Variants in ZNF790 observed in about 807,000 individuals in gnomAD.
The protein encoded by ZNF790 is zinc finger protein 790.
A neutral mutation model predicts 12.1 loss-of-function variants in ZNF790; 8 were observed. That is an observed-to-expected ratio of 0.66 (90% confidence interval 0.39 to 1.19). The LOEUF (loss-of-function observed/expected upper bound fraction) is 1.19, where lower values mean the gene tolerates loss of function less well. ZNF790 is among the 50% of genes most tolerant of loss of function. The probability of loss-of-function intolerance (pLI) is 0.01; values close to 1 mark genes in which losing one functional copy is unlikely to be tolerated. For synonymous variants in ZNF790, 252 were observed against 244.3 expected, an observed-to-expected ratio of 1.03 and a Z score of -0.29; for missense variants, 707 against 752.2, an observed-to-expected ratio of 0.94 and a Z score of 0.70.
chr19:36,820,215 A>G, intron 4 of ZNF790, 101 bp from the exon 5 acceptor site: 2 of 1,270,476 alleles, frequency 1.6e-6, no homozygotes, highest in East Asian at 2.5e-5. Context: ...GCATATGAGA[A>G]GTGAATGGCT....
intron 1 of ZNF790, among the ~76,000 whole-genome samples, chr19:36,833,009 C>A (rs2146067811): frequency 6.7e-6 from 1 of 149,064 alleles, no homozygotes; most frequent in African/African-American, 2.5e-5. Context: ...AAATGTAAGT[C>A]AAACAGGGCA....
In ZNF790 at chr19:36,821,639, A is replaced by C. The variant is rs1600647207; in HGVS notation, c.230-1525T>G. On this transcript the variant is annotated intron_variant, in intron 4 of 4. Transcript: ENST00000356725. ...CACTCTGTCGCCCAGGTTGGAGTGC[A>C]GTGGCGCAATCTCAGCTCACTGCAA... Among the ~76,000 whole-genome samples, 3 of 152,218 alleles carry C rather than the reference A, an allele frequency of 2.0e-5. No homozygotes were observed. The East Asian group carries it at 5.8e-4, about 29-fold the overall frequency.
chr19:36,838,025 CATA>C lies in ZNF790; in HGVS notation c.-74+309_-74+311del, dbSNP rs942104182. 29 of 152,430 alleles carry C rather than the reference CATA, an allele frequency of 1.9e-4. No individual in the cohort carries two copies. The highest frequency in any genetic ancestry group is 7.0e-4 in the African/African-American group (29 of 41,596). The allele number at this position is 152,430 out of a possible 1,614,324, so 9.4% of individuals were successfully genotyped here. A position where few individuals can be genotyped will look rare whatever the true frequency, so the allele number is the denominator to read the frequency against. On this transcript the variant is annotated intron_variant, in intron 1 of 4. Transcript: ENST00000356725. The surrounding 1 kb of genome is among the most constrained non-coding windows in gnomAD (Gnocchi z 4.4). ...GTGGTCACGCACAACGCGACGCAGT[CATA>C]ATCACGTACATACAGTCACATTTAA...
chr19:36,823,908 G>T lies in ZNF790; in HGVS notation c.10-118C>A, dbSNP rs1055141819. The T allele has an allele frequency of 3.0e-5, 27 of 885,746 alleles. No homozygotes were observed. The African/African-American group carries it at 4.4e-4, about 14-fold the overall frequency. The allele number at this position is 885,746 out of a possible 1,614,324, so 54.9% of individuals were successfully genotyped here. On this transcript the variant is annotated intron_variant, in intron 2 of 4. Coordinates refer to ENST00000356725, the MANE Select transcript of ZNF790 (RefSeq NM_206894.4). The stretch of plus-strand genomic sequence containing the variant: ...ACTGCAGGGAGTGGGGCATATATTG[G>T]GCGAAAAACTGGAGTTGGCTGCCTG...
Position 36,820,086 on chromosome 19 carries a change from CT to C in ZNF790, c.257del (p.Lys86SerfsTer13). The C allele has an allele frequency of 1.2e-6, 2 of 1,606,188 alleles. No homozygotes were observed. Among genetic ancestry groups the C allele is most frequent in the Non-Finnish European group, 1.7e-6 (2 of 1,179,570 alleles). ...CAAAAATGCCATTTTTTGGTAATAACTTCTTGGTCTGACACCTCGACTGCAT... is the reference window on the plus strand; with the variant it reads ...CAAAAATGCCATTTTTTGGTAATAACTCTTGGTCTGACACCTCGACTGCAT... ...PDMQSRCQTK[K>X]LLPKNGIFER... On this transcript the variant is annotated frameshift_variant, in exon 5 of 5. Coordinates refer to ENST00000356725, the MANE Select transcript of ZNF790 (RefSeq NM_206894.4). LOFTEE classifies it low-confidence loss of function (END_TRUNC).
At chr19:36,834,413 A>T (rs2146073409) in intron 1 of ZNF790, among the ~76,000 whole-genome samples, 1 of 152,342 alleles carries the variant, frequency 6.6e-6, no homozygotes, top group African/African-American at 2.4e-5. Context: ...TAAGAACTTG[A>T]ACTGGCACTT....
intron 1 of ZNF790, among the ~76,000 whole-genome samples, chr19:36,848,906 G>A (rs1035344311): frequency 6.6e-6 from 1 of 152,104 alleles, no homozygotes; most frequent in African/African-American, 2.4e-5. Flanking sequence ...CCATTCTCCT[G>A]CGTCAGCCTC....
Position 36,823,350 on chromosome 19 carries a change from G to C in ZNF790, c.164C>G (p.Ser55Cys), listed in dbSNP as rs2071718244. 1 of 1,613,958 alleles carries C rather than the reference G, an allele frequency of 6.2e-7. No individual in the cohort carries two copies. Among genetic ancestry groups the C allele is most frequent in the Non-Finnish European group, 8.5e-7 (1 of 1,180,022 alleles). ...GFCIYQPEAF[S>C]LLEKGKEPWK... ...GGGCTCTTTCCCTTTCTCCAATAAA[G>C]AGAACGCTTCTGGCTGATAAATGCA... is the stretch of plus-strand genomic sequence containing the variant. Residue 55 changes from serine (S) to cysteine (C), a missense_variant, in exon 4 of 5, where the codon TCT (serine) becomes TGT (cysteine). By Grantham distance (112) the Ser-to-Cys change is moderately radical. Coordinates refer to ENST00000356725, the MANE Select transcript of ZNF790 (RefSeq NM_206894.4).
chr19:36,825,536 G>A, intron 2 of ZNF790, 75 bp downstream of exon 2: 2 of 1,439,150 alleles, frequency 1.4e-6, no homozygotes, highest in Non-Finnish European at 2.0e-6. Flanking sequence ...AGCAGTTTAA[G>A]GATAAGCAAT....
chr19:36,847,276 G>C (rs546135877), intron 1 of ZNF790, among the ~76,000 whole-genome samples: 2 of 151,842 alleles, frequency 1.3e-5, no homozygotes, highest in African/African-American at 4.8e-5. Flanking sequence ...GCTTGAACCC[G>C]GGAGGCAGTG....
rs541618860 is a variant in ZNF790 at position 36,829,000 on chromosome 19, T to C, written c.-73-3308A>G. ...CCATTCCCATGGGGAGTAGACCATA[T>C]CCTGAATGAAAGTTTCTGTGAGCAG... On this transcript the variant is annotated intron_variant, in intron 1 of 4. Coordinates refer to ENST00000356725, the MANE Select transcript of ZNF790 (RefSeq NM_206894.4). Among the ~76,000 whole-genome samples, 11 of 152,264 alleles carry C rather than the reference T, an allele frequency of 7.2e-5. No homozygotes were observed. In the South Asian group the frequency reaches 2.1e-3, roughly 29 times the overall value.
At position 36,818,378 on chromosome 19, in the gene ZNF790, T is replaced by C. The variant is rs910398332; in HGVS notation, c.*55A>G. 2.8e-6 allele frequency: 4 copies of C among 1,450,422 alleles called. No individual in the cohort carries two copies. Among genetic ancestry groups the C allele is most frequent in the Non-Finnish European group, 3.7e-6 (4 of 1,092,966 alleles). 89.8% of individuals were successfully genotyped at this position (1,450,422 alleles called of 1,614,324 possible). ...GTGTTCCTCAAGAGAAAAAAATAAA[T>C]GACATCAATTAATGAGTCATGAATA... On this transcript the variant is annotated 3_prime_UTR_variant, in exon 5 of 5. Transcript: ENST00000356725.
intron 1 of ZNF790, among the ~76,000 whole-genome samples, chr19:36,832,813 T>C (rs954087522): frequency 6.6e-6 from 1 of 152,146 alleles, no homozygotes; most frequent in African/African-American, 2.4e-5. Context: ...GACTAGCTCA[T>C]TGATTGCCTC....
At chr19:36,841,479 G>A (rs1945390533), upstream of ZNF790, among the ~76,000 whole-genome samples, 1 of 151,810 alleles carries the variant, frequency 6.6e-6, no homozygotes, top group Non-Finnish European at 1.5e-5. Flanking sequence ...AATTAGCTGG[G>A]TATGGTGGCT....
chr19:36,818,428 A>C lies in ZNF790; in HGVS notation c.*5T>G. On this transcript the variant is annotated 3_prime_UTR_variant, in exon 5 of 5. Transcript: ENST00000356725. ...AAAGCCCTTCCTACACTTTTATATA[A>C]TATTTCACAAGAGTGAAATGAAGTG... 6.6e-7 allele frequency: 1 copy of C among 1,524,358 alleles called. No individual in the cohort carries two copies. Among genetic ancestry groups the C allele is most frequent in the Non-Finnish European group, 8.8e-7 (1 of 1,135,394 alleles). 94.4% of individuals were successfully genotyped at this position (1,524,358 alleles called of 1,614,324 possible). A position where few individuals can be genotyped will look rare whatever the true frequency, so the allele number is the denominator to read the frequency against.
chr19:36,828,677 A>G (rs1319294820), intron 1 of ZNF790, among the ~76,000 whole-genome samples: 1 of 152,068 alleles, frequency 6.6e-6, no homozygotes, highest in Non-Finnish European at 1.5e-5. Flanking sequence ...GGGGTCCGCT[A>G]TGTTGCCCAG....
At chr19:36,846,194 G>C (rs541563723) in intron 1 of ZNF790, among the ~76,000 whole-genome samples, 17 of 152,260 alleles carry the variant, frequency 1.1e-4, no homozygotes, top group African/African-American at 2.4e-5. Context: ...TACTCTGTGA[G>C]GACAGGAAAT....
Position 36,818,995 on chromosome 19 carries a change from T to C in ZNF790, c.1349A>G (p.Tyr450Cys). 2.5e-6 allele frequency: 4 copies of C among 1,614,016 alleles called. No homozygotes were observed. The highest frequency in any genetic ancestry group is 1.7e-5 in the Admixed American group (1 of 59,960). ...HEKIHNERKS[Y>C]ECKECGKTFL... Reference sequence around the variant, plus strand: ...GGTCTTTCCACATTCCTTACATTCATAGGATTTCCTCTCATTGTGAATTTT... The same window carrying C: ...GGTCTTTCCACATTCCTTACATTCACAGGATTTCCTCTCATTGTGAATTTT... Residue 450 changes from tyrosine to cysteine, a missense_variant, in exon 5 of 5, where the codon TAT becomes TGT. By Grantham distance (194) the Tyr-to-Cys change is radical. Transcript: ENST00000356725.
At position 36,819,743 on chromosome 19, in the gene ZNF790, T is replaced by C. The variant is rs1451691830; in HGVS notation, c.601A>G (p.Lys201Glu). The C allele has an allele frequency of 6.2e-7, 1 of 1,613,844 alleles. No individual in the cohort carries two copies. The highest frequency in any genetic ancestry group is 1.3e-5 in the African/African-American group (1 of 75,058). The change falls in exon 5 of 5, where the codon AAA (lysine) becomes GAA (glutamate). Residue 201 changes from lysine to glutamate, a missense_variant. Lys to Glu is a moderately conservative substitution (Grantham distance 56, BLOSUM62 1). Coordinates refer to ENST00000356725, the MANE Select transcript of ZNF790 (RefSeq NM_206894.4). Reference sequence around the variant, plus strand: ...GGAAGAAAGGTATTCCCACATTCTTTATCTCCACAGAATTTCTCACTTGTG... The same window carrying C: ...GGAAGAAAGGTATTCCCACATTCTTCATCTCCACAGAATTTCTCACTTGTG... The part of the protein sequence containing the change: ...IHTSEKFCGD[K>E]ECGNTFLPDS...
Sources: allele counts gnomAD v4.1 joint callset (sites outside exome capture counted in the v4.1 genomes callset), GRCh38; gene constraint gnomAD v4.1.1; non-coding constraint Gnocchi (gnomAD v3.1); transcripts MANE v1.5; gene names NCBI Gene and HGNC (gene_info 2026-07-23, HGNC 2026-07-21).